The following PRKCB variants were observed in gnomAD, a reference collection of about 807,000 sequenced individuals.
PRKCB encodes the protein protein kinase C beta type.
A neutral mutation model predicts 81.5 loss-of-function variants in PRKCB; 13 were observed. That is an observed-to-expected ratio of 0.16 (90% CI 0.10 to 0.25). PRKCB has a LOEUF of 0.25. PRKCB is among the 10% of genes least tolerant of loss of function. The probability of loss-of-function intolerance (pLI) is 1.00; values close to 1 mark genes in which losing one functional copy is unlikely to be tolerated. For missense variants in PRKCB, 509 were observed against 875.7 expected (o/e 0.58, Z 5.29); for synonymous variants, 335 against 321.4 (o/e 1.04, Z -0.45).
chr16:24,179,093 A>G (rs1252208284), intron 12 of PRKCB, among the ~76,000 whole-genome samples: 1 of 152,226 alleles, frequency 6.6e-6, no homozygotes, highest in African/African-American at 2.4e-5. Context: ...ACCCCAATGT[A>G]AAATGCACTT....
At chr16:23,856,087 G>A (rs1252813488) in intron 2 of PRKCB, among the ~76,000 whole-genome samples, 1 of 152,126 alleles carries the variant, frequency 6.6e-6, no homozygotes, top group African/African-American at 2.4e-5. Context: ...CAGATTCATA[G>A]ACTGTACTTG....
Position 23,864,546 on chromosome 16 carries a change from G to A in PRKCB, c.205+27140G>A, listed in dbSNP as rs796494942. Among the ~76,000 whole-genome samples, 3 of 152,100 alleles carry A rather than the reference G, an allele frequency of 2.0e-5. No individual in the cohort carries two copies. In the South Asian group the frequency reaches 6.2e-4, roughly 31 times the overall value. On this transcript the variant is annotated intron_variant, in intron 2 of 16. Coordinates refer to ENST00000643927, the MANE Select transcript of PRKCB (RefSeq NM_002738.7). ...AGATTACAAACAAACAAAATAAGAG[G>A]TCGTTCTAGATTATGATAAGTGATG...
chr16:24,021,129 C>CTTTT (rs1596515538), intron 3 of PRKCB, among the ~76,000 whole-genome samples: 2 of 128,052 alleles, frequency 1.6e-5, no homozygotes, highest in Non-Finnish European at 3.4e-5. Flanking sequence ...TTCTTTCTTT[C>CTTTT]CTTCCTTCCT....
chr16:23,902,728 T>TCCTCCCTCCCCC (rs1482776399), intron 2 of PRKCB, among the ~76,000 whole-genome samples: 12 of 20,340 alleles, frequency 5.9e-4, no homozygotes, highest in Non-Finnish European at 8.3e-4. Context: ...CTCCCTCCCT[T>TCCTCCCTCCCCC]CCTCCCTTCC....
chr16:24,090,519 AAG>A (rs1966363632), intron 5 of PRKCB, among the ~76,000 whole-genome samples: 1 of 152,206 alleles, frequency 6.6e-6, no homozygotes, highest in Non-Finnish European at 1.5e-5. Context: ...AATAAAAAGA[AAG>A]AGGGGCAAGG....
chr16:24,078,524 T>C (rs1966208340), intron 5 of PRKCB, among the ~76,000 whole-genome samples: 1 of 152,148 alleles, frequency 6.6e-6, no homozygotes, highest in Non-Finnish European at 1.5e-5. Context: ...AACAGATGTT[T>C]ATGGGGGGCA....
intron 3 of PRKCB, among the ~76,000 whole-genome samples, chr16:24,029,337 C>G (rs1475794000): frequency 6.6e-6 from 1 of 152,166 alleles, no homozygotes; most frequent in Non-Finnish European, 1.5e-5. Context: ...GGGCAGTTTC[C>G]CCCATGCTGT....
At chr16:23,986,276 C>A (rs1486372298) in intron 2 of PRKCB, among the ~76,000 whole-genome samples, 1 of 152,050 alleles carries the variant, frequency 6.6e-6, no homozygotes, top group Non-Finnish European at 1.5e-5. Context: ...ATTTTTGAAA[C>A]AGGGTCTCAT....
intron 10 of PRKCB, among the ~76,000 whole-genome samples, chr16:24,169,265 A>G (rs1967400282): frequency 2.0e-5 from 3 of 152,040 alleles, no homozygotes; most frequent in Admixed American, 2.0e-4. Flanking sequence ...CACTTAATTA[A>G]TGTATATTGA....
chr16:24,186,887 C>T (rs1353429434), intron 15 of PRKCB, among the ~76,000 whole-genome samples: 2 of 152,184 alleles, frequency 1.3e-5, no homozygotes, highest in Non-Finnish European at 2.9e-5. Flanking sequence ...GTCTCAATCC[C>T]GAACATCTAA....
At chr16:24,051,545 G>A (rs1354797538) in intron 5 of PRKCB, among the ~76,000 whole-genome samples, 2 of 151,880 alleles carry the variant, frequency 1.3e-5, no homozygotes, top group Admixed American at 1.3e-4. Flanking sequence ...GTTTCTCCAG[G>A]GTCAGCAAGG....
At chr16:23,871,072 G>GGAT (rs1371428160) in intron 2 of PRKCB, among the ~76,000 whole-genome samples, 1 of 152,226 alleles carries the variant, frequency 6.6e-6, no homozygotes, top group Non-Finnish European at 1.5e-5. Context: ...CGGTACTGCA[G>GGAT]GATGAGCTTT....
intron 7 of PRKCB, among the ~76,000 whole-genome samples, chr16:24,108,779 G>C (rs1395118349): frequency 6.6e-6 from 1 of 151,498 alleles, no homozygotes; most frequent in Non-Finnish European, 1.5e-5. Context: ...GCAACCATCC[G>C]ATTTCTCAAT....
intron 15 of PRKCB, among the ~76,000 whole-genome samples, chr16:24,187,190 T>A (rs1967716306): frequency 6.6e-6 from 1 of 152,198 alleles, no homozygotes; most frequent in South Asian, 2.1e-4. Flanking sequence ...AAAAATCAGA[T>A]CTTGCCACAT....
chr16:24,067,749 C>T, intron 5 of PRKCB, among the ~76,000 whole-genome samples: 1 of 152,016 alleles, frequency 6.6e-6, no homozygotes, highest in East Asian at 1.9e-4. Context: ...GGTGGATCAT[C>T]TGAGATCAGG....
chr16:23,996,049 T>C (rs775734423), intron 3 of PRKCB, among the ~76,000 whole-genome samples: 4 of 152,060 alleles, frequency 2.6e-5, no homozygotes, highest in Non-Finnish European at 5.9e-5. Flanking sequence ...TATATCCTGA[T>C]TCATGGGCTG....
chr16:23,842,920 G>A (rs1962292238), intron 2 of PRKCB, among the ~76,000 whole-genome samples: 1 of 152,198 alleles, frequency 6.6e-6, no homozygotes, highest in Admixed American at 6.5e-5. Context: ...TGATGATAAT[G>A]AGTAAGTCAG....
At chr16:24,032,833 G>T (rs1347596915) in intron 4 of PRKCB, among the ~76,000 whole-genome samples, 1 of 152,206 alleles carries the variant, frequency 6.6e-6, no homozygotes, top group African/African-American at 2.4e-5. Context: ...TGTGGGAAGG[G>T]GCAGTCCATG....
chr16:23,925,119 C>A (rs761355249), intron 2 of PRKCB, among the ~76,000 whole-genome samples: 25 of 152,058 alleles, frequency 1.6e-4, no homozygotes, highest in Non-Finnish European at 3.2e-4. Context: ...TATGACCCCT[C>A]AGTGGAGGGA....
Sources: gnomAD v4.1 joint callset for allele counts (sites outside exome capture counted in the v4.1 genomes callset) on GRCh38, gnomAD v4.1.1 for gene constraint, MANE v1.5 for transcripts, NCBI Gene and HGNC (gene_info 2026-07-23, HGNC 2026-07-21) for gene names.